KDM4B: variants seen among roughly 807,000 people sequenced by gnomAD.
KDM4B encodes lysine demethylase 4B, also known as lysine-specific demethylase 4B.
A neutral mutation model predicts 125.2 loss-of-function variants in KDM4B; 32 were observed. The ratio of observed to expected loss-of-function variants is 0.26; its 90% CI spans 0.19 to 0.34. KDM4B has a LOEUF of 0.34. Ranked by LOEUF, KDM4B falls within the 10% of genes least tolerant of loss-of-function variation. The pLI is 1.00. For synonymous variants in KDM4B, 721 were observed against 677.9 expected, an observed-to-expected ratio of 1.06 and a Z score of -0.99; for missense variants, 1,190 against 1,577.7, an observed-to-expected ratio of 0.75 and a Z score of 4.16.
At chr19:5,001,018 A>T (rs1171834691) in intron 1 of KDM4B, among the ~76,000 whole-genome samples, 2 of 151,220 alleles carry the variant, frequency 1.3e-5, no homozygotes, top group South Asian at 4.2e-4. Flanking sequence ...GCAGATGTGT[A>T]TTTTTTTAAT....
intron 2 of KDM4B, among the ~76,000 whole-genome samples, chr19:5,025,672 C>A (rs2036256412): frequency 6.6e-6 from 1 of 152,220 alleles, no homozygotes; most frequent in African/African-American, 2.4e-5. Flanking sequence ...TCCCTGCCAT[C>A]CGGCCTCTGG....
intron 1 of KDM4B, among the ~76,000 whole-genome samples, chr19:4,990,980 G>T (rs962381956): frequency 7.2e-5 from 11 of 152,022 alleles, no homozygotes; most frequent in Non-Finnish European, 1.6e-4. Context: ...AATTAGCTGG[G>T]CGTGATGGCG....
At chr19:4,974,449 A>T (rs2034373430) in intron 1 of KDM4B, among the ~76,000 whole-genome samples, 1 of 151,746 alleles carries the variant, frequency 6.6e-6, no homozygotes. Context: ...TACATAAAAT[A>T]AAAAACTGGC....
chr19:5,073,431 C>T (rs1568276689), intron 7 of KDM4B, among the ~76,000 whole-genome samples: 1 of 152,264 alleles, frequency 6.6e-6, no homozygotes, highest in Non-Finnish European at 1.5e-5. Flanking sequence ...GGGCTTCACC[C>T]AGGCGGGCCC....
chr19:5,041,707 C>T (rs535002556), intron 5 of KDM4B, among the ~76,000 whole-genome samples: 1 of 152,374 alleles, frequency 6.6e-6, no homozygotes, highest in South Asian at 2.1e-4. Context: ...TCTGCTGGAG[C>T]GTCCTCTTGT....
At chr19:5,087,587 G>T (rs1599591539) in intron 9 of KDM4B, among the ~76,000 whole-genome samples, 1 of 152,220 alleles carries the variant, frequency 6.6e-6, no homozygotes, top group Non-Finnish European at 1.5e-5. Context: ...GGTAGTGCCA[G>T]TGTCATTTTT....
chr19:5,131,226 T>G lies in KDM4B; in HGVS notation c.1466T>G (p.Val489Gly). The G allele has an allele frequency of 1.2e-6, 2 of 1,607,138 alleles. No homozygotes were observed. Among genetic ancestry groups the G allele is most frequent in the Non-Finnish European group, 1.7e-6 (2 of 1,177,408 alleles). Residue 489 changes from valine to glycine, a missense_variant, in exon 12 of 23, where the codon GTG becomes GGG. Physicochemically the swap from Val to Gly is moderately radical, Grantham distance 109 (BLOSUM62 -3). Around this residue, in one of 7 missense-constraint regions of KDM4B, gnomAD observed 428 missense variants for 405.1 expected, o/e 1.06. Transcript: ENST00000159111. Reference protein sequence around the residue: ...LWLPSPLEPPVLGPGPAAMEE... With the variant: ...LWLPSPLEPPGLGPGPAAMEE... ...CTGCCATCCCCACTGGAGCCCCCGG[T>G]GCTGGGCCCAGGCCCTGCAGCCATG...
intron 10 of KDM4B, among the ~76,000 whole-genome samples, chr19:5,116,946 G>A (rs1040690128): frequency 2.0e-5 from 3 of 152,182 alleles, no homozygotes; most frequent in African/African-American, 4.8e-5. Flanking sequence ...GCAGAAACAC[G>A]CGAAGGGGGA....
At chr19:5,044,350 T>G (rs1221202625) in intron 5 of KDM4B, among the ~76,000 whole-genome samples, 4 of 80,102 alleles carry the variant, frequency 5.0e-5, no homozygotes, top group Non-Finnish European at 1.0e-4. Context: ...GCGTGGTGTT[T>G]ATCGGAGTGG....
At chr19:5,055,127 A>G (rs1049809685) in intron 6 of KDM4B, among the ~76,000 whole-genome samples, 5 of 152,212 alleles carry the variant, frequency 3.3e-5, no homozygotes, top group African/African-American at 9.6e-5. Context: ...ACGTTAAGCA[A>G]TTGCGGCCCG....
chr19:5,094,700 C>T (rs2038783326), intron 9 of KDM4B, among the ~76,000 whole-genome samples: 1 of 152,112 alleles, frequency 6.6e-6, no homozygotes, highest in Admixed American at 6.5e-5. Flanking sequence ...CACAGAGGGA[C>T]ATGGAGGAGC....
intron 1 of KDM4B, among the ~76,000 whole-genome samples, chr19:4,990,585 G>GT (rs1435460053): frequency 6.6e-6 from 1 of 152,162 alleles, no homozygotes; most frequent in African/African-American, 2.4e-5. Flanking sequence ...CACATGCCGT[G>GT]TTTTAATACT....
Position 5,114,684 on chromosome 19 carries a change from G to A in KDM4B, c.1115+3866G>A, listed in dbSNP as rs898439387. 6.6e-6 allele frequency among the ~76,000 whole-genome samples: 1 copy of A among 151,002 alleles called. No individual in the cohort carries two copies. The highest frequency in any genetic ancestry group is 1.5e-5 in the Non-Finnish European group (1 of 67,198). The stretch of plus-strand genomic sequence containing the variant: ...GGGCCACTTTGGGTCGGGGGTGGGC[G>A]GCTCTGAGGGCTCAGCCTGGGGCCA... On this transcript the variant is annotated intron_variant, in intron 10 of 22. Transcript: ENST00000159111. This position sits in a 1 kb window ranked among gnomAD's most constrained non-coding sequence, Gnocchi z 5.8.
rs533169384 is a variant in KDM4B, at chr19:5,070,838, C to T, written c.627-172C>T. 2.5e-4 allele frequency: 142 copies of T among 567,384 alleles called. 1 individual carries two copies. Among genetic ancestry groups the T allele is most frequent in the African/African-American group, 2.3e-3 (123 of 52,396 alleles). 35.1% of individuals were successfully genotyped at this position (567,384 alleles called of 1,614,324 possible). On this transcript the variant is annotated intron_variant, in intron 6 of 22. Transcript: ENST00000159111. ...CCCCACCTCGCTTCCTTACGGATTC[C>T]GTCCTGAAAGCCCCCACCCCCGGCC...
chr19:5,143,255 G>A (rs2039776873), intron 18 of KDM4B, among the ~76,000 whole-genome samples: 1 of 151,870 alleles, frequency 6.6e-6, no homozygotes, highest in Non-Finnish European at 1.5e-5. Flanking sequence ...CCCAGGAGTT[G>A]GAGACCGCAG....
intron 6 of KDM4B, among the ~76,000 whole-genome samples, chr19:5,051,213 C>T (rs981945072): frequency 2.0e-5 from 3 of 152,220 alleles, no homozygotes; most frequent in Non-Finnish European, 2.9e-5. Context: ...AGTTGCTGGT[C>T]CCAGGGCACT....
At chr19:4,981,618 C>T (rs1259393920) in intron 1 of KDM4B, among the ~76,000 whole-genome samples, 3 of 152,156 alleles carry the variant, frequency 2.0e-5, no homozygotes, top group Non-Finnish European at 2.9e-5. Flanking sequence ...CCCCCCACCA[C>T]GCCGGGCCCC....
intron 9 of KDM4B, among the ~76,000 whole-genome samples, chr19:5,101,921 G>A (rs2038943442): frequency 6.6e-6 from 1 of 152,188 alleles, no homozygotes. Flanking sequence ...ACTGTGCCCA[G>A]TGTCCCCAGC....
chr19:5,129,044 A>G (rs1015751506), intron 11 of KDM4B, among the ~76,000 whole-genome samples: 1 of 152,174 alleles, frequency 6.6e-6, no homozygotes, highest in African/African-American at 2.4e-5. Flanking sequence ...GGTGGGGGCC[A>G]GGGCAGTGGC....
Sources: allele counts gnomAD v4.1 joint callset (sites outside exome capture counted in the v4.1 genomes callset), GRCh38; gene constraint gnomAD v4.1.1; regional missense constraint gnomAD v4.1.1; non-coding constraint Gnocchi (gnomAD v3.1); transcripts MANE v1.5; gene names NCBI Gene and HGNC (gene_info 2026-07-23, HGNC 2026-07-21).